The following ATP7A variants were observed in gnomAD, a reference collection of about 807,000 sequenced individuals.
ATP7A encodes the protein ATPase copper transporting alpha.
In ATP7A, 7 loss-of-function variants were observed where a neutral mutation model predicts 83.5. The observed-to-expected ratio is 0.08, with a 90% CI of 0.05 to 0.16. The LOEUF (loss-of-function observed/expected upper bound fraction) is 0.16. ATP7A is among the 10% of genes least tolerant of loss of function. ATP7A has a pLI of 1.00. For missense variants in ATP7A, 940 were observed against 1,120.8 expected (o/e 0.84, Z 2.30); for synonymous variants, 354 against 395.2 (o/e 0.90, Z 1.24).
At chrX:77,930,829 A>G (rs1483204382) in intron 1 of ATP7A, among the ~76,000 whole-genome samples, 1 of 110,657 alleles carries the variant, frequency 9.0e-6, no homozygotes. Context: ...CTTAGCTGTC[A>G]AAGGCAGCTC....
At chrX:78,019,908 T>C (rs1557235554) in intron 12 of ATP7A, among the ~76,000 whole-genome samples, 1 of 111,057 alleles carries the variant, frequency 9.0e-6, no homozygotes, top group African/African-American at 3.3e-5. Flanking sequence ...TAGCACCCCC[T>C]TCCCCATCCC....
chrX:77,998,766 A>G, intron 5 of ATP7A, 82 bp downstream of exon 5: 3 of 1,000,345 alleles, frequency 3.0e-6, no homozygotes, highest in Non-Finnish European at 4.2e-6. Context: ...TTTTGTAACT[A>G]TGTTATGATT....
chrX:77,985,147 C>G (rs782480711), intron 2 of ATP7A, among the ~76,000 whole-genome samples: 43 of 110,495 alleles, frequency 3.9e-4, no homozygotes, highest in Non-Finnish European at 7.0e-4. Context: ...GCCCCTTGAG[C>G]AGCTGGGACT....
At chrX:78,015,928 C>T (rs2077860026) in intron 12 of ATP7A, 47 bp downstream of exon 12, 3 of 1,193,971 alleles carry the variant, frequency 2.5e-6, no homozygotes, top group Non-Finnish European at 3.4e-6. Flanking sequence ...GAAAAATAGA[C>T]ATGAAAGATG....
intron 2 of ATP7A, among the ~76,000 whole-genome samples, chrX:77,978,237 G>T (rs1300471717): frequency 9.0e-6 from 1 of 111,099 alleles, no homozygotes; most frequent in Non-Finnish European, 1.9e-5. Context: ...TTGAGTTGGG[G>T]ATATGTTTAG....
In ATP7A at chrX:77,989,924, A is replaced by C. The variant is rs782148279; in HGVS notation, c.1302A>C (p.Ala434=). ...LLTSPETLRG[A]IEDMGFDATL... ...CCTCTCCAGAAACGTTGAGAGGAGC[A>C]ATAGAAGACATGGGATTTGATGCTA... is the stretch of plus-strand genomic sequence containing the variant. Residue 434 remains alanine, a synonymous_variant, in exon 4 of 23, where the codon GCA becomes GCC. Transcript: ENST00000341514. The C allele has an allele frequency of 2.5e-6, 3 of 1,211,471 alleles. No individual in the cohort carries two copies. In the East Asian group the frequency reaches 8.9e-5, roughly 36 times the overall value.
intron 5 of ATP7A, among the ~76,000 whole-genome samples, chrX:78,002,176 C>T (rs185120380): frequency 2.1e-4 from 23 of 108,426 alleles, no homozygotes; most frequent in African/African-American, 7.7e-4. Flanking sequence ...GTCAAGTGAT[C>T]TTCCCACCTC....
At chrX:77,921,920 A>G (rs781905960) in intron 1 of ATP7A, among the ~76,000 whole-genome samples, 4 of 110,449 alleles carry the variant, frequency 3.6e-5, no homozygotes, top group East Asian at 2.9e-4. Context: ...AAATAAAAAT[A>G]AAAATAAAAA....
intron 1 of ATP7A, among the ~76,000 whole-genome samples, chrX:77,921,374 C>T (rs373829665): frequency 7.7e-4 from 86 of 111,953 alleles, no homozygotes; most frequent in African/African-American, 1.7e-3. Context: ...AATTATGATA[C>T]GTTCATATAG....
intron 6 of ATP7A, among the ~76,000 whole-genome samples, chrX:78,006,861 C>T (rs1400720804): frequency 8.9e-6 from 1 of 112,207 alleles, no homozygotes; most frequent in African/African-American, 3.2e-5. Flanking sequence ...AATAATATTC[C>T]AATGTATGAA....
intron 14 of ATP7A, 41 bp from the exon 15 acceptor site, chrX:78,029,209 G>A (rs782262875): frequency 2.3e-5 from 27 of 1,164,223 alleles, no homozygotes; most frequent in Non-Finnish European, 3.0e-5. Context: ...GTTTTGTACA[G>A]CTCTAAATCA....
rs1387827892 is a variant in ATP7A at position 78,049,219 on chromosome X, G to T, written c.*2649G>T. 9.0e-6 allele frequency: 1 copy of T among 111,543 alleles called. No individual in the cohort carries two copies. The highest frequency in any genetic ancestry group is 1.9e-5 in the Non-Finnish European group (1 of 53,036). The allele number at this position is 111,543 out of a possible 1,213,427, so 9.2% of individuals were successfully genotyped here. A position where few individuals can be genotyped will look rare whatever the true frequency, so the allele number is the denominator to read the frequency against. ...GTAGCTAGCTTTAAGTCAGGAGTTA[G>T]TAATGAGAAATTTTATAAATGTGTA... is the stretch of plus-strand genomic sequence containing the variant. On this transcript the variant is annotated 3_prime_UTR_variant, in exon 23 of 23. Transcript: ENST00000341514.
chrX:77,972,107 C>T (rs782307320), intron 2 of ATP7A, among the ~76,000 whole-genome samples: 1 of 111,225 alleles, frequency 9.0e-6, no homozygotes, highest in African/African-American at 3.3e-5. Flanking sequence ...TTAGGGTTTT[C>T]TTTTTCTTTT....
At chrX:78,021,854 AG>A (rs1328204917) in intron 14 of ATP7A, among the ~76,000 whole-genome samples, 1 of 111,544 alleles carries the variant, frequency 9.0e-6, no homozygotes, top group African/African-American at 3.3e-5. Context: ...AACATCCTGA[AG>A]GTTGAAAAAC....
At chrX:77,974,721 G>A in intron 2 of ATP7A, 1 of 296,207 alleles carries the variant, frequency 3.4e-6, no homozygotes. Context: ...ATATAGAGAT[G>A]ATCATATGGT....
At chrX:77,959,977 A>G (rs782378641) in intron 1 of ATP7A, among the ~76,000 whole-genome samples, 1 of 112,359 alleles carries the variant, frequency 8.9e-6, no homozygotes, top group South Asian at 3.7e-4. Context: ...CCATATCCTC[A>G]CCGACACTTG....
chrX:78,026,210 C>T (rs1239875633), intron 14 of ATP7A, among the ~76,000 whole-genome samples: 1 of 111,653 alleles, frequency 9.0e-6, no homozygotes, highest in Admixed American at 9.5e-5. Context: ...AAGGTAATAA[C>T]TCATAGGTTG....
chrX:77,926,336 A>G (rs971746257), intron 1 of ATP7A, among the ~76,000 whole-genome samples: 2 of 111,288 alleles, frequency 1.8e-5, no homozygotes, highest in Non-Finnish European at 3.8e-5. Context: ...TCTAGTCAAT[A>G]TTTATTTATT....
intron 21 of ATP7A, 139 bp from the exon 22 acceptor site, chrX:78,045,331 C>A: frequency 1.8e-6 from 1 of 570,016 alleles, no homozygotes; most frequent in Non-Finnish European, 2.9e-6. Context: ...AAAAAAATGG[C>A]AACAACAAAA....
Sources: allele counts gnomAD v4.1 joint callset (sites outside exome capture counted in the v4.1 genomes callset), GRCh38; gene constraint gnomAD v4.1.1; transcripts MANE v1.5; gene names NCBI Gene and HGNC (gene_info 2026-07-23, HGNC 2026-07-21).